FBXO22: variants seen among roughly 807,000 people sequenced by gnomAD.
FBXO22 encodes the protein F-box only protein 22.
In FBXO22, 13 loss-of-function variants were observed where a neutral mutation model predicts 37.2. That is an observed-to-expected ratio of 0.35 (90% CI 0.23 to 0.56). The LOEUF (loss-of-function observed/expected upper bound fraction) is 0.56. Ranked by LOEUF, FBXO22 falls within the 20% of genes least tolerant of loss-of-function variation. The pLI, the probability that FBXO22 is intolerant of heterozygous loss-of-function variation, is 0.87. For synonymous variants in FBXO22, 189 were observed against 189.1 expected (o/e 1.00, Z 0.00); for missense variants, 446 against 509.9 (o/e 0.87, Z 1.21).
In FBXO22 at chr15:75,941,390, A is replaced by C. The variant is rs1173020949; in HGVS notation, c.*8288A>C. The C allele has an allele frequency of 6.6e-6, 1 of 152,208 alleles. No individual in the cohort carries two copies. The highest frequency in any genetic ancestry group is 1.5e-5 in the Non-Finnish European group (1 of 68,018). 9.4% of individuals were successfully genotyped at this position (152,208 alleles called of 1,614,324 possible). ...ATGGTGATTTTCCAATTAAATATAG[A>C]ATTGTCATTTGATTCAGCAATTGCA... On this transcript the variant is annotated 3_prime_UTR_variant, in exon 7 of 7. Coordinates refer to ENST00000308275, the MANE Select transcript of FBXO22 (RefSeq NM_147188.3).
intron 5 of FBXO22, among the ~76,000 whole-genome samples, chr15:75,923,830 C>T (rs1416879791): frequency 6.6e-6 from 1 of 152,044 alleles, no homozygotes; most frequent in Admixed American, 6.5e-5. Flanking sequence ...GAGGAGATGG[C>T]AGCTTGGAGC....
chr15:75,907,018 A>C (rs1035765426), intron 2 of FBXO22, among the ~76,000 whole-genome samples: 3 of 152,228 alleles, frequency 2.0e-5, no homozygotes, highest in Admixed American at 6.5e-5. Flanking sequence ...TAGAAAAGAA[A>C]GCCAAAATGT....
At position 75,934,204 on chromosome 15, in the gene FBXO22, T is replaced by G. The variant is rs2030177853; in HGVS notation, c.*1102T>G. ...ATGGCATGACCATTTATTTGCCCCT[T>G]TCTCCATCCTGTTGCTTGGAATGTG... On this transcript the variant is annotated 3_prime_UTR_variant, in exon 7 of 7. Transcript: ENST00000308275. 6.6e-6 allele frequency: 1 copy of G among 152,262 alleles called. No homozygotes were observed. The highest frequency in any genetic ancestry group is 2.4e-5 in the African/African-American group (1 of 41,446). 9.4% of individuals were successfully genotyped at this position (152,262 alleles called of 1,614,324 possible).
Position 75,935,371 on chromosome 15 carries a change from A to C in FBXO22, c.*2269A>C, listed in dbSNP as rs944305226. 2.0e-5 allele frequency: 3 copies of C among 152,210 alleles called. No homozygotes were observed. The highest frequency in any genetic ancestry group is 4.4e-5 in the Non-Finnish European group (3 of 68,022). The allele number at this position is 152,210 out of a possible 1,614,324, so 9.4% of individuals were successfully genotyped here. On this transcript the variant is annotated 3_prime_UTR_variant, in exon 7 of 7. Transcript: ENST00000308275. ...AAAAGAGAAGTAAAGGTGTACCATTAGCCTACATACTGAGCTGACGATCAG... is the reference window on the plus strand; with the variant it reads ...AAAAGAGAAGTAAAGGTGTACCATTCGCCTACATACTGAGCTGACGATCAG...
intron 4 of FBXO22, among the ~76,000 whole-genome samples, chr15:75,915,944 G>T (rs1203774152): frequency 1.3e-5 from 2 of 148,512 alleles, no homozygotes; most frequent in African/African-American, 5.0e-5. Context: ...GGTGGCTCAT[G>T]CCTGTAATTC....
chr15:75,929,808 AT>A, intron 5 of FBXO22, 75 bp from the exon 6 acceptor site: 1 of 1,577,430 alleles, frequency 6.3e-7, no homozygotes, highest in East Asian at 2.2e-5. Flanking sequence ...AGTCAGTAAC[AT>A]TTCATTTTGC....
At chr15:75,923,769 T>G (rs1231768281) in intron 5 of FBXO22, among the ~76,000 whole-genome samples, 1 of 152,202 alleles carries the variant, frequency 6.6e-6, no homozygotes, top group Non-Finnish European at 1.5e-5. Context: ...AAAATAATTT[T>G]TTTTAAAAAG....
Position 75,936,562 on chromosome 15 carries a change from TA to T in FBXO22, c.*3462del, listed in dbSNP as rs2030356809. 1 of 152,164 alleles carries T rather than the reference TA, an allele frequency of 6.6e-6. No individual in the cohort carries two copies. Among genetic ancestry groups the T allele is most frequent in the Non-Finnish European group, 1.5e-5 (1 of 68,022 alleles). 9.4% of individuals were successfully genotyped at this position (152,164 alleles called of 1,614,324 possible). On this transcript the variant is annotated 3_prime_UTR_variant, in exon 7 of 7. Transcript: ENST00000308275. ...CTGGCAGAAGCCAATAAGTATCACT[TA>T]ATATTTTGGTATGGAAACTTTTTTT...
At chr15:75,930,347 A>G (rs1030136934) in intron 6 of FBXO22, 1 of 1,283,366 alleles carries the variant, frequency 7.8e-7, no homozygotes, top group Non-Finnish European at 9.9e-7. Context: ...TGTGACCTCA[A>G]TGTGTCACCT....
intron 5 of FBXO22, among the ~76,000 whole-genome samples, chr15:75,927,096 G>C (rs535988118): frequency 2.6e-5 from 4 of 152,306 alleles, no homozygotes; most frequent in African/African-American, 9.6e-5. Context: ...AAAGCCTTTT[G>C]CCTTTCCTGG....
At chr15:75,915,059 C>T (rs139199045) in intron 4 of FBXO22, among the ~76,000 whole-genome samples, 1 of 152,190 alleles carries the variant, frequency 6.6e-6, no homozygotes, top group Non-Finnish European at 1.5e-5. Context: ...CTTCTGCCTC[C>T]TGGATTCAAG....
rs1337826620 is a variant in FBXO22 at position 75,941,585 on chromosome 15, C to T, written c.*8483C>T. On this transcript the variant is annotated 3_prime_UTR_variant, in exon 7 of 7. Transcript: ENST00000308275. ...TATATCCATACAATGGAATATTATT[C>T]AGCCATAAAAAGGAAATCCTTCTAC... The T allele has an allele frequency of 6.6e-6, 1 of 152,104 alleles. No individual in the cohort carries two copies. The allele number at this position is 152,104 out of a possible 1,614,324, so 9.4% of individuals were successfully genotyped here.
At chr15:75,907,180 C>T (rs1220907794) in intron 2 of FBXO22, among the ~76,000 whole-genome samples, 1 of 152,146 alleles carries the variant, frequency 6.6e-6, no homozygotes, top group Non-Finnish European at 1.5e-5. Flanking sequence ...TAGTTGTGAA[C>T]CATAGCTTTG....
In FBXO22 at chr15:75,904,481, G is replaced by T; in HGVS notation, c.141-10G>T. 1.2e-6 allele frequency: 2 copies of T among 1,613,856 alleles called. 1 individual carries two copies. The highest frequency in any genetic ancestry group is 1.7e-6 in the Non-Finnish European group (2 of 1,179,886). On this transcript the variant is annotated splice_polypyrimidine_tract_variant and intron_variant, in intron 1 of 6. Transcript: ENST00000308275. ...TCCGTTCGCAATCCTTTGTGCGTTT[G>T]CGTCCTCAGCGTGTGCCGCTTATGG... is the stretch of plus-strand genomic sequence containing the variant.
chr15:75,912,252 A>G (rs1425362640), intron 2 of FBXO22, among the ~76,000 whole-genome samples: 1 of 152,036 alleles, frequency 6.6e-6, no homozygotes, highest in Non-Finnish European at 1.5e-5. Context: ...TGTCTCTGCC[A>G]GGTTTTGGTA....
chr15:75,925,731 AT>A (rs1400775974), intron 5 of FBXO22, among the ~76,000 whole-genome samples: 1 of 150,774 alleles, frequency 6.6e-6, no homozygotes, highest in African/African-American at 2.4e-5. Context: ...GGCAGACTTT[AT>A]TTGGGAGACC....
chr15:75,904,403 T>G, intron 1 of FBXO22, 88 bp from the exon 2 acceptor site: 1 of 1,587,382 alleles, frequency 6.3e-7, no homozygotes, highest in South Asian at 1.1e-5. Flanking sequence ...GATCTCCTGC[T>G]GCTGCGCCAG....
In FBXO22 at chr15:75,938,817, A is replaced by G. The variant is rs1302325863; in HGVS notation, c.*5715A>G. The G allele has an allele frequency of 2.0e-5, 3 of 152,324 alleles. No individual in the cohort carries two copies. The East Asian group carries it at 5.8e-4, about 29-fold the overall frequency. The allele number at this position is 152,324 out of a possible 1,614,324, so 9.4% of individuals were successfully genotyped here. ...CCACAACAGGATGTAGTTAGAAATCAGTAACAAAAGGAAAATTGGAAAATT... is the reference window on the plus strand; with the variant it reads ...CCACAACAGGATGTAGTTAGAAATCGGTAACAAAAGGAAAATTGGAAAATT... On this transcript the variant is annotated 3_prime_UTR_variant, in exon 7 of 7. Coordinates refer to ENST00000308275, the MANE Select transcript of FBXO22 (RefSeq NM_147188.3).
In FBXO22 at chr15:75,942,455, ACT is replaced by A. The variant is rs1354487761; in HGVS notation, c.*9354_*9355del. 3 of 152,210 alleles carry A rather than the reference ACT, an allele frequency of 2.0e-5. No individual in the cohort carries two copies. The highest frequency in any genetic ancestry group is 4.4e-5 in the Non-Finnish European group (3 of 68,048). The allele number at this position is 152,210 out of a possible 1,614,324, so 9.4% of individuals were successfully genotyped here. Reference sequence around the variant, plus strand: ...GGGGGGAAGCATAGGGGAACTCTATACTATCTGCTCAGTTTTTCTGAAAATCT... The same window carrying A: ...GGGGGGAAGCATAGGGGAACTCTATAATCTGCTCAGTTTTTCTGAAAATCT... On this transcript the variant is annotated 3_prime_UTR_variant, in exon 7 of 7. Transcript: ENST00000308275.
Sources: gnomAD v4.1 joint callset for allele counts (sites outside exome capture counted in the v4.1 genomes callset) on GRCh38, gnomAD v4.1.1 for gene constraint, MANE v1.5 for transcripts, NCBI Gene and HGNC (gene_info 2026-07-23, HGNC 2026-07-21) for gene names.